The following VIT variants were observed in gnomAD, a reference collection of about 807,000 sequenced individuals.
VIT encodes the protein vitrin.
Under a neutral mutation model 78.0 loss-of-function variants are expected in VIT, and 99 were observed. The observed-to-expected ratio is 1.27, with a 90% CI of 1.08 to 1.50. The LOEUF is 1.50. VIT is among the 40% of genes most tolerant of loss of function. The pLI, the probability that VIT is intolerant of heterozygous loss-of-function variation, is 0.00. For synonymous variants in VIT, 374 were observed against 334.3 expected, an observed-to-expected ratio of 1.12 and a Z score of -1.29; for missense variants, 1,126 against 875.3, an observed-to-expected ratio of 1.29 and a Z score of -3.61.
At chr2:36,722,073 TC>T (rs961689981) in intron 2 of VIT, among the ~76,000 whole-genome samples, 2 of 152,264 alleles carry the variant, frequency 1.3e-5, no homozygotes, top group African/African-American at 4.8e-5. Flanking sequence ...ATCGGAGCCA[TC>T]CAAGGATCCC....
intron 15 of VIT, among the ~76,000 whole-genome samples, chr2:36,811,607 TG>T (rs368168331): frequency 2.5e-3 from 381 of 152,322 alleles, no homozygotes; most frequent in African/African-American, 9.0e-3. Flanking sequence ...TAGGAGATTC[TG>T]TACAACAAGA....
chr2:36,813,177 C>T (rs1245812905), intron 15 of VIT, among the ~76,000 whole-genome samples: 2 of 149,760 alleles, frequency 1.3e-5, no homozygotes, highest in Admixed American at 1.3e-4. Context: ...AGGCCAGGCA[C>T]GGTGGCTCAT....
At chr2:36,708,952 C>G (rs142259198) in intron 1 of VIT, among the ~76,000 whole-genome samples, 1 of 152,066 alleles carries the variant, frequency 6.6e-6, no homozygotes. Context: ...AAGTTCGAGA[C>G]GAGCGTGACC....
chr2:36,742,998 C>T, intron 3 of VIT, 102 bp from the exon 4 acceptor site: 1 of 1,481,168 alleles, frequency 6.8e-7, no homozygotes, highest in Non-Finnish European at 9.2e-7. Flanking sequence ...GGCCCAGGCT[C>T]TGGCTTTTAG....
At chr2:36,704,969 T>C (rs1392993559) in intron 1 of VIT, among the ~76,000 whole-genome samples, 2 of 152,116 alleles carry the variant, frequency 1.3e-5, no homozygotes, top group Non-Finnish European at 2.9e-5. Context: ...CTAGGGATCA[T>C]AGTTGAGCAG....
At chr2:36,702,490 A>T (rs778347605) in intron 1 of VIT, among the ~76,000 whole-genome samples, 4 of 152,144 alleles carry the variant, frequency 2.6e-5, no homozygotes, top group Non-Finnish European at 4.4e-5. Flanking sequence ...ATACTACGTG[A>T]TCCTTAAAAA....
At chr2:36,756,790 A>G (rs533032448) in intron 5 of VIT, among the ~76,000 whole-genome samples, 10 of 152,284 alleles carry the variant, frequency 6.6e-5, no homozygotes, top group Non-Finnish European at 1.3e-4. Context: ...GAGAAATATA[A>G]TCTCCGCATA....
chr2:36,742,354 G>A (rs12712519), intron 3 of VIT, among the ~76,000 whole-genome samples: 103,545 of 152,066 alleles, frequency 0.68, 39,714 homozygotes, highest in Non-Finnish European at 0.88. Flanking sequence ...CAGAGGGAGG[G>A]AAGAATGAAT....
At chr2:36,747,667 T>C (rs1205887250) in intron 4 of VIT, among the ~76,000 whole-genome samples, 2 of 152,238 alleles carry the variant, frequency 1.3e-5, no homozygotes, top group African/African-American at 4.8e-5. Flanking sequence ...GATGGTCTCT[T>C]GAAGACAGTA....
intron 4 of VIT, among the ~76,000 whole-genome samples, chr2:36,752,109 T>C (rs1461944034): frequency 2.0e-5 from 3 of 152,208 alleles, no homozygotes; most frequent in African/African-American, 7.2e-5. Context: ...TTCTATATCA[T>C]GATCAGAGGT....
At position 36,755,046 on chromosome 2, in the gene VIT, T is replaced by A. The variant is rs763605688; in HGVS notation, c.401T>A (p.Ile134Asn). ...CTACCACGATGGAGAGAATCCTTTA[T>A]CGTCTTAGGTATGACCACACACTGG... Reference protein sequence around the residue: ...LSLPRWRESFIVLESKPKKGV... With the variant: ...LSLPRWRESFNVLESKPKKGV... The change falls in exon 5 of 16, where the codon ATC becomes AAC. Residue 134 changes from isoleucine (I) to asparagine (N), a missense_variant. Coordinates refer to ENST00000379242, the MANE Select transcript of VIT (RefSeq NM_053276.4). The A allele has an allele frequency of 4.3e-6, 7 of 1,614,112 alleles. No individual in the cohort carries two copies. Among genetic ancestry groups the A allele is most frequent in the Non-Finnish European group, 5.9e-6 (7 of 1,179,978 alleles).
At chr2:36,702,601 G>A (rs995121230) in intron 1 of VIT, among the ~76,000 whole-genome samples, 14 of 152,066 alleles carry the variant, frequency 9.2e-5, no homozygotes, top group Non-Finnish European at 4.4e-5. Flanking sequence ...TCTGCCTTGC[G>A]CCTTTACCTC....
At chr2:36,791,294 T>C (rs888477646) in intron 12 of VIT, among the ~76,000 whole-genome samples, 2 of 152,230 alleles carry the variant, frequency 1.3e-5, no homozygotes, top group African/African-American at 2.4e-5. Flanking sequence ...CTCGTGGTCA[T>C]GCATTCAGCT....
intron 4 of VIT, among the ~76,000 whole-genome samples, chr2:36,749,939 A>G (rs1209629782): frequency 6.6e-6 from 1 of 152,258 alleles, no homozygotes; most frequent in East Asian, 1.9e-4. Flanking sequence ...AAAACTATGC[A>G]TAAAATAAAG....
chr2:36,698,666 T>A (rs575340460), intron 1 of VIT, among the ~76,000 whole-genome samples: 2 of 152,242 alleles, frequency 1.3e-5, no homozygotes, highest in Admixed American at 6.5e-5. Flanking sequence ...AATCTTGGCC[T>A]GGCGCAGTGG....
intron 4 of VIT, among the ~76,000 whole-genome samples, chr2:36,745,603 C>T (rs1382305722): frequency 1.3e-5 from 2 of 152,066 alleles, no homozygotes; most frequent in Non-Finnish European, 2.9e-5. Context: ...TCTGATTTGG[C>T]TCTCAGCTTG....
intron 1 of VIT, among the ~76,000 whole-genome samples, chr2:36,707,862 A>G (rs1665533340): frequency 3.1e-5 from 1 of 32,114 alleles, no homozygotes; most frequent in Non-Finnish European, 6.7e-5. Flanking sequence ...TTCTTTAGGA[A>G]AAAAAAAAAA....
At chr2:36,764,900 C>T (rs778231750) in intron 6 of VIT, among the ~76,000 whole-genome samples, 2 of 151,864 alleles carry the variant, frequency 1.3e-5, no homozygotes, top group Admixed American at 6.6e-5. Context: ...GTGGATGGTT[C>T]CCACCAAGAC....
At chr2:36,792,297 G>A (rs1572548697) in intron 12 of VIT, among the ~76,000 whole-genome samples, 1 of 152,164 alleles carries the variant, frequency 6.6e-6, no homozygotes, top group African/African-American at 2.4e-5. Flanking sequence ...GGCAGGTAAG[G>A]CCCACAAGCC....
Sources: allele counts gnomAD v4.1 joint callset (sites outside exome capture counted in the v4.1 genomes callset), GRCh38; gene constraint gnomAD v4.1.1; transcripts MANE v1.5; gene names NCBI Gene and HGNC (gene_info 2026-07-23, HGNC 2026-07-21).